ZNF254: variants seen among roughly 807,000 people sequenced by gnomAD.
ZNF254 encodes CTD-2017D11.1.
A neutral mutation model predicts 12.4 loss-of-function variants in ZNF254; 10 were observed. That is an observed-to-expected ratio of 0.80 (90% CI 0.50 to 1.36). The LOEUF (loss-of-function observed/expected upper bound fraction) is 1.36. Among genes scored for constraint, ZNF254 ranks in the 40% most tolerant of loss-of-function variants. The pLI is 0.00. For missense variants in ZNF254, 996 were observed against 763.9 expected (o/e 1.30, Z -3.58); for synonymous variants, 305 against 253.4 (o/e 1.20, Z -1.93).
At chr19:24,110,565 CA>C (rs547421026) in intron 3 of ZNF254, among the ~76,000 whole-genome samples, 126 of 138,398 alleles carry the variant, frequency 9.1e-4, no homozygotes, top group Admixed American at 1.2e-3. Context: ...GACCCTGTTT[CA>C]AAAAAAAAAA....
At chr19:24,064,714 A>T (rs931619096) in intron 2 of ZNF254, 1 of 152,006 alleles carries the variant, frequency 6.6e-6, no homozygotes, top group Non-Finnish European at 1.5e-5. Flanking sequence ...TGTAGTAGAG[A>T]TGGGGTTTCT....
At chr19:24,115,525 G>T (rs1037740600) in intron 3 of ZNF254, among the ~76,000 whole-genome samples, 1 of 150,420 alleles carries the variant, frequency 6.6e-6, no homozygotes, top group African/African-American at 2.5e-5. Context: ...GGATTGATGT[G>T]GGATGGGGGG....
At chr19:24,101,623 C>A (rs1018635561) in intron 1 of ZNF254, among the ~76,000 whole-genome samples, 2 of 152,162 alleles carry the variant, frequency 1.3e-5, no homozygotes, top group Non-Finnish European at 2.9e-5. Context: ...CTTCTACATA[C>A]CAAAAAGCTA....
At chr19:24,052,148 G>A (rs1000527512) in intron 2 of ZNF254, among the ~76,000 whole-genome samples, 3 of 152,214 alleles carry the variant, frequency 2.0e-5, no homozygotes, top group African/African-American at 7.2e-5. Flanking sequence ...TGCCCAAGCA[G>A]GGATTGTGAT....
intron 1 of ZNF254, among the ~76,000 whole-genome samples, chr19:24,093,460 T>G (rs1448354506): frequency 6.6e-6 from 1 of 152,210 alleles, no homozygotes; most frequent in Non-Finnish European, 1.5e-5. Flanking sequence ...TTGAGTTGAT[T>G]TTTGTATATG....
At position 24,127,605 on chromosome 19, in the gene ZNF254, A is replaced by G. The variant is rs1386235227; in HGVS notation, c.1605A>G (p.Lys535=). 1.9e-6 allele frequency: 3 copies of G among 1,608,334 alleles called. No homozygotes were observed. Among genetic ancestry groups the G allele is most frequent in the Non-Finnish European group, 2.5e-6 (3 of 1,176,962 alleles). Residue 535 remains lysine (K), a synonymous_variant, in exon 4 of 4, where the codon AAA becomes AAG. Transcript: ENST00000357002. ...KAFNWSSTLT[K]HKIIHTEEKP... ...TTAACTGGTCCTCAACTCTTACTAAACATAAGATAATTCATACTGAAGAGA... is the reference window on the plus strand; with the variant it reads ...TTAACTGGTCCTCAACTCTTACTAAGCATAAGATAATTCATACTGAAGAGA...
chr19:24,064,249 T>A (rs1171206905), intron 2 of ZNF254, among the ~76,000 whole-genome samples: 1 of 152,178 alleles, frequency 6.6e-6, no homozygotes, highest in Non-Finnish European at 1.5e-5. Flanking sequence ...TGAGCCCAGC[T>A]CCTAGGCTGT....
chr19:24,072,262 C>T (rs1971508959), intron 2 of ZNF254, among the ~76,000 whole-genome samples: 1 of 151,824 alleles, frequency 6.6e-6, no homozygotes. Context: ...ACAGCCACCT[C>T]CTGGGTTCAA....
chr19:24,111,093 C>T (rs184502505), intron 3 of ZNF254, among the ~76,000 whole-genome samples: 1 of 136,450 alleles, frequency 7.3e-6, no homozygotes, highest in African/African-American at 2.6e-5. Flanking sequence ...CTAATGCTAT[C>T]CCTTCCCCCT....
At position 24,126,919 on chromosome 19, in the gene ZNF254, T is replaced by C; in HGVS notation, c.919T>C (p.Ser307Pro). ...ATGTGGCAAAGCATTTATCTGGTCCTCAACCCTTACTGAGCATAAGAAAAT... is the reference window on the plus strand; with the variant it reads ...ATGTGGCAAAGCATTTATCTGGTCCCCAACCCTTACTGAGCATAAGAAAAT... ...EECGKAFIWSSTLTEHKKIHT... is the reference protein window; with the variant it reads ...EECGKAFIWSPTLTEHKKIHT... The change falls in exon 4 of 4, where the codon TCA (serine) becomes CCA (proline). Residue 307 changes from serine to proline, a missense_variant. Physicochemically the swap from Ser to Pro is moderately conservative, Grantham distance 74. Transcript: ENST00000357002. The C allele has an allele frequency of 6.2e-7, 1 of 1,613,512 alleles. No individual in the cohort carries two copies. Among genetic ancestry groups the C allele is most frequent in the Non-Finnish European group, 8.5e-7 (1 of 1,179,772 alleles).
chr19:24,083,747 G>A (rs1393139206), upstream of ZNF254, among the ~76,000 whole-genome samples: 2 of 152,092 alleles, frequency 1.3e-5, no homozygotes, highest in African/African-American at 4.8e-5. Context: ...CATTACTAAT[G>A]ATTAATGATC....
intron 2 of ZNF254, among the ~76,000 whole-genome samples, chr19:24,046,700 A>C (rs556966114): frequency 6.6e-6 from 1 of 152,206 alleles, no homozygotes; most frequent in East Asian, 1.9e-4. Context: ...TATTTCGCAT[A>C]TCTCATAGCT....
chr19:24,115,794 C>T (rs969855461), intron 3 of ZNF254, among the ~76,000 whole-genome samples: 3 of 152,220 alleles, frequency 2.0e-5, no homozygotes, highest in Admixed American at 6.5e-5. Context: ...CTAGCCTCGA[C>T]GGTTTCTACA....
chr19:24,062,574 CAG>C (rs776168147), intron 2 of ZNF254, among the ~76,000 whole-genome samples: 17 of 151,152 alleles, frequency 1.1e-4, no homozygotes, highest in African/African-American at 3.9e-4. Context: ...AGTGTCCTGA[CAG>C]AGAGAAGCAC....
chr19:24,122,725 A>G (rs772174314), intron 3 of ZNF254, among the ~76,000 whole-genome samples: 5 of 152,156 alleles, frequency 3.3e-5, no homozygotes, highest in Non-Finnish European at 5.9e-5. Context: ...CAGAATTTTT[A>G]TATTTCAAAT....
At chr19:24,125,878 G>T (rs1166011146) in intron 3 of ZNF254, among the ~76,000 whole-genome samples, 4 of 152,180 alleles carry the variant, frequency 2.6e-5, no homozygotes, top group Admixed American at 6.6e-5. Context: ...CAATGATTGT[G>T]CCGGTATTTT....
intron 2 of ZNF254, among the ~76,000 whole-genome samples, chr19:24,061,108 TCTC>T (rs1971049250): frequency 6.6e-6 from 1 of 152,172 alleles, no homozygotes; most frequent in East Asian, 1.9e-4. Context: ...GGTACTGTCT[TCTC>T]CTGCCTGGGC....
chr19:24,113,437 C>T (rs536412969), intron 3 of ZNF254, among the ~76,000 whole-genome samples: 74 of 152,234 alleles, frequency 4.9e-4, no homozygotes, highest in African/African-American at 1.7e-3. Context: ...ACAAAAACCA[C>T]ATGATTATAT....
rs555577747 is a variant in ZNF254, at chr19:24,071,093, G to A, written c.-94+24814G>A. On this transcript the variant is annotated intron_variant, in intron 2 of 4. Transcript: ENST00000613065. The stretch of plus-strand genomic sequence containing the variant: ...CAAGAAGGAAGGGAGAAGACAGAAA[G>A]AAGAAGCTCCCCTATGCAGAGACAG... 2.9e-3 allele frequency among the ~76,000 whole-genome samples: 447 copies of A among 152,220 alleles called. 1 individual carries two copies. The highest frequency in any genetic ancestry group is 0.01 in the African/African-American group (432 of 41,536).
Sources: allele counts gnomAD v4.1 joint callset (sites outside exome capture counted in the v4.1 genomes callset), GRCh38; gene constraint gnomAD v4.1.1; transcripts MANE v1.5; gene names NCBI Gene and HGNC (gene_info 2026-07-23, HGNC 2026-07-21).